The following SPATA7 variants were observed in gnomAD, a reference collection of about 807,000 sequenced individuals.
SPATA7 encodes the protein spermatogenesis-associated protein 7.
In SPATA7, 43 loss-of-function variants were observed where a neutral mutation model predicts 51.8. That is an observed-to-expected ratio of 0.83 (90% CI 0.65 to 1.07). The LOEUF (loss-of-function observed/expected upper bound fraction) is 1.07. Ranked by LOEUF, SPATA7 falls within the 50% of genes least tolerant of loss-of-function variation. The pLI, the probability that SPATA7 is intolerant of heterozygous loss-of-function variation, is 0.00. For missense variants in SPATA7, 683 were observed against 701.3 expected, an observed-to-expected ratio of 0.97 and a Z score of 0.30; for synonymous variants, 230 against 252.8, an observed-to-expected ratio of 0.91 and a Z score of 0.86.
chr14:88,417,825 A>G (rs548252927), intron 5 of SPATA7, among the ~76,000 whole-genome samples: 1 of 152,196 alleles, frequency 6.6e-6, no homozygotes, highest in African/African-American at 2.4e-5. Flanking sequence ...TGGTTATGCT[A>G]TCCTCATAAA....
rs1414246094 is a variant in SPATA7 at position 88,463,616 on chromosome 14, CT to C, written c.255-6230del. Among the ~76,000 whole-genome samples the C allele has an allele frequency of 5.3e-5, 8 of 152,226 alleles. No homozygotes were observed. The East Asian group carries it at 1.4e-3, about 26-fold the overall frequency. ...TTTCAGTAAGCTTTGAGGGCACAAA[CT>C]AAGAAGGCTAACACCAAGAGTATTG... is the stretch of plus-strand genomic sequence containing the variant. On this transcript the variant is annotated intron_variant, in intron 4 of 4. Transcript: ENST00000556406.
At chr14:88,443,662 T>C (rs182590317) in intron 3 of SPATA7, among the ~76,000 whole-genome samples, 13 of 126,342 alleles carry the variant, frequency 1.0e-4, no homozygotes, top group African/African-American at 2.7e-4. Context: ...GTTCCCAGAG[T>C]GTGATGTTCC....
chr14:88,453,536 C>T (rs1233241752), intron 3 of SPATA7, among the ~76,000 whole-genome samples: 1 of 152,128 alleles, frequency 6.6e-6, no homozygotes, highest in Non-Finnish European at 1.5e-5. Context: ...TTATCCCAGA[C>T]CTTGTGTGTT....
intron 4 of SPATA7, chr14:88,414,676 A>G (rs2076427553): frequency 2.4e-6 from 1 of 413,530 alleles, no homozygotes; most frequent in Non-Finnish European, 4.8e-6. Context: ...TGATGTAGGT[A>G]TTTAGCACTG....
At chr14:88,423,674 T>TATACCCATCCAATTCTACAATTGAA (rs1595262443) in intron 5 of SPATA7, among the ~76,000 whole-genome samples, 1 of 57,286 alleles carries the variant, frequency 1.7e-5, no homozygotes, top group African/African-American at 6.5e-5. Flanking sequence ...TAAAATAATT[T>TATACCCATCCAATTCTACAATTGAA]TTTTTTTTTT....
At chr14:88,408,803 G>A (rs1205944472) in intron 4 of SPATA7, among the ~76,000 whole-genome samples, 3 of 152,028 alleles carry the variant, frequency 2.0e-5, no homozygotes, top group Non-Finnish European at 2.9e-5. Flanking sequence ...GTTTATTGAG[G>A]GTTTTTAGCA....
chr14:88,403,363 TGTTCTC>T (rs1017343064), intron 4 of SPATA7, among the ~76,000 whole-genome samples: 1 of 152,226 alleles, frequency 6.6e-6, no homozygotes, highest in Admixed American at 6.5e-5. Context: ...AGGAGATATC[TGTTCTC>T]CCATGTTTGT....
chr14:88,447,631 C>T (rs1232536974), intron 3 of SPATA7, among the ~76,000 whole-genome samples: 1 of 151,606 alleles, frequency 6.6e-6, no homozygotes, highest in African/African-American at 2.4e-5. Context: ...ACCGGTTGTT[C>T]CTTTCCATGT....
chr14:88,436,462 C>G (rs1440789679), intron 10 of SPATA7, among the ~76,000 whole-genome samples: 1 of 152,034 alleles, frequency 6.6e-6, no homozygotes, highest in Non-Finnish European at 1.5e-5. Context: ...CTTTGGTTGC[C>G]TGTGCTTGTG....
At chr14:88,457,146 A>G (rs557378921), downstream of SPATA7, among the ~76,000 whole-genome samples, 37 of 152,306 alleles carry the variant, frequency 2.4e-4, no homozygotes, top group African/African-American at 8.7e-4. Flanking sequence ...TATAATTTGA[A>G]GTCAGGTAAC....
downstream of SPATA7, among the ~76,000 whole-genome samples, chr14:88,460,181 T>A (rs1283873372): frequency 1.3e-5 from 2 of 152,200 alleles, no homozygotes; most frequent in Non-Finnish European, 2.9e-5. Flanking sequence ...CTGACAATTA[T>A]GTGTCTTGGA....
chr14:88,390,590 C>A (rs74071378), intron 1 of SPATA7, among the ~76,000 whole-genome samples: 5,361 of 152,246 alleles, frequency 0.035, 310 homozygotes, highest in African/African-American at 0.12. Context: ...CAGCTGTCCA[C>A]ATTTGGGTTT....
At chr14:88,466,060 A>C (rs891907056) in intron 4 of SPATA7, 1 of 151,340 alleles carries the variant, frequency 6.6e-6, no homozygotes, top group Non-Finnish European at 1.5e-5. Context: ...TTTCACAAAA[A>C]CGTACCATGG....
chr14:88,459,970 A>C (rs140114402), downstream of SPATA7, among the ~76,000 whole-genome samples: 5,781 of 152,230 alleles, frequency 0.038, 358 homozygotes, highest in African/African-American at 0.13. Flanking sequence ...TCCTTCACTT[A>C]TGAAGCTTAA....
intron 1 of SPATA7, chr14:88,386,078 T>G: frequency 1.0e-5 from 14 of 1,372,240 alleles, no homozygotes; most frequent in Middle Eastern, 2.7e-4. Flanking sequence ...CAGGGGCCCC[T>G]GTCTCCTGAA....
At chr14:88,386,020 C>G in intron 1 of SPATA7, 183 bp downstream of exon 1, 1 of 1,458,396 alleles carries the variant, frequency 6.9e-7, no homozygotes, top group Non-Finnish European at 9.0e-7. Flanking sequence ...AGCCTGCTTG[C>G]CAGCCTCGCA....
At chr14:88,464,748 C>CTTAT (rs138728694) in intron 4 of SPATA7, among the ~76,000 whole-genome samples, 5,443 of 151,564 alleles carry the variant, frequency 0.036, 314 homozygotes, top group African/African-American at 0.13. Flanking sequence ...AAAAAAAAGT[C>CTTAT]TTATTTACAA....
Position 88,426,691 on chromosome 14 carries a change from C to G in SPATA7, c.832C>G (p.Gln278Glu). 1.2e-6 allele frequency: 2 copies of G among 1,612,298 alleles called. No homozygotes were observed. The highest frequency in any genetic ancestry group is 1.1e-5 in the South Asian group (1 of 91,080). The change falls in exon 6 of 12, where the codon CAG becomes GAG. Residue 278 changes from glutamine to glutamate, a missense_variant. Physicochemically the swap from Gln to Glu is conservative, Grantham distance 29 (BLOSUM62 2). Coordinates refer to ENST00000393545, the MANE Select transcript of SPATA7 (RefSeq NM_018418.5). ...AGATCAACGGATAGAAGCTGAAACC[C>G]AGACTGAATTAAGGTATGACACATC... ...FTDQRIEAET[Q>E]TELSFKSELG...
At chr14:88,417,951 A>G (rs1595246188) in intron 5 of SPATA7, among the ~76,000 whole-genome samples, 1 of 152,188 alleles carries the variant, frequency 6.6e-6, no homozygotes, top group Non-Finnish European at 1.5e-5. Flanking sequence ...AGTATTTTTT[A>G]TGAGAAGATT....
Sources: allele counts gnomAD v4.1 joint callset (sites outside exome capture counted in the v4.1 genomes callset), GRCh38; gene constraint gnomAD v4.1.1; transcripts MANE v1.5; gene names NCBI Gene and HGNC (gene_info 2026-07-23, HGNC 2026-07-21).